The following RAB40B variants were observed in gnomAD, a reference collection of about 807,000 sequenced individuals.
RAB40B encodes ras-related protein Rab-40B.
A neutral mutation model predicts 24.0 loss-of-function variants in RAB40B; 21 were observed. The observed-to-expected ratio is 0.88, with a 90% CI of 0.62 to 1.26. The LOEUF (loss-of-function observed/expected upper bound fraction) is 1.26. RAB40B is among the 50% of genes most tolerant of loss of function. The probability of loss-of-function intolerance (pLI) is 0.00; values close to 1 mark genes in which losing one functional copy is unlikely to be tolerated. For synonymous variants in RAB40B, 167 were observed against 169.8 expected (o/e 0.98, Z 0.13); for missense variants, 348 against 390.5 (o/e 0.89, Z 0.92).
chr17:82,659,711 TG>T, intron 3 of RAB40B, 54 bp from the exon 4 acceptor site: 6 of 1,451,480 alleles, frequency 4.1e-6, no homozygotes, highest in Non-Finnish European at 3.9e-6. Flanking sequence ...GGCACAGCTG[TG>T]GCCATGCACG....
intron 1 of RAB40B, among the ~76,000 whole-genome samples, chr17:82,684,213 T>C (rs1398208452): frequency 1.8e-4 from 16 of 89,446 alleles, no homozygotes; most frequent in Admixed American, 6.6e-4. Flanking sequence ...AGAGTGAGAC[T>C]CTGTCTCAAA....
chr17:82,689,915 C>T (rs544189945), intron 1 of RAB40B, among the ~76,000 whole-genome samples: 3 of 147,902 alleles, frequency 2.0e-5, no homozygotes, highest in Non-Finnish European at 4.4e-5. Flanking sequence ...TGCAGTGAAC[C>T]GAGATCGTGC....
At chr17:82,695,452 A>G (rs1004654868) in intron 1 of RAB40B, among the ~76,000 whole-genome samples, 5 of 151,280 alleles carry the variant, frequency 3.3e-5, no homozygotes. Flanking sequence ...GGCCTCCCCA[A>G]GTGCTGGGAT....
chr17:82,685,028 C>T (rs542654551), intron 1 of RAB40B, among the ~76,000 whole-genome samples: 201 of 151,314 alleles, frequency 1.3e-3, no homozygotes, highest in African/African-American at 4.5e-3. Flanking sequence ...GCAGGAGAAT[C>T]GCTTGAATCC....
At chr17:82,677,172 C>T (rs1476327195) in intron 1 of RAB40B, among the ~76,000 whole-genome samples, 1 of 151,852 alleles carries the variant, frequency 6.6e-6, no homozygotes, top group Non-Finnish European at 1.5e-5. Context: ...TGGTCTCGAA[C>T]CCCTGACCTC....
intron 1 of RAB40B, chr17:82,696,739 C>T (rs2046613145): frequency 1.4e-5 from 2 of 141,296 alleles, no homozygotes; most frequent in African/African-American, 2.7e-5. Context: ...GTCCTCCAGG[C>T]GCTCAATCTC....
chr17:82,658,801 C>T, intron 4 of RAB40B, 88 bp from the exon 5 acceptor site: 1 of 1,218,852 alleles, frequency 8.2e-7, no homozygotes, highest in Non-Finnish European at 1.1e-6. Flanking sequence ...GTCGAGGAAC[C>T]CCCCACGAGT....
chr17:82,683,805 C>CAAAAAAAAAAAAAAA (rs35145848), intron 1 of RAB40B, among the ~76,000 whole-genome samples: 1 of 90,798 alleles, frequency 1.1e-5, no homozygotes, highest in Non-Finnish European at 2.2e-5. Context: ...ACCCTGTTTC[C>CAAAAAAAAAAAAAAA]AAAAAAAAAA....
In RAB40B at chr17:82,675,531, T is replaced by C. The variant is rs1360184171; in HGVS notation, c.143-10975A>G. Among the ~76,000 whole-genome samples the C allele has an allele frequency of 6.6e-6, 1 of 152,154 alleles. No homozygotes were observed. Among genetic ancestry groups the C allele is most frequent in the East Asian group, 1.9e-4 (1 of 5,198 alleles). The stretch of plus-strand genomic sequence containing the variant: ...GTAGTACCTTAGCCAGTGGGGTTGC[T>C]ATAATGAAAATACCATAAGCTAGGC... On this transcript the variant is annotated intron_variant, in intron 1 of 5. Coordinates refer to ENST00000571995, the MANE Select transcript of RAB40B (RefSeq NM_006822.3). This position sits in a 1 kb window ranked among gnomAD's most constrained non-coding sequence, Gnocchi z 4.5.
chr17:82,683,542 C>T (rs1341353332), intron 1 of RAB40B, among the ~76,000 whole-genome samples: 1 of 152,184 alleles, frequency 6.6e-6, no homozygotes, highest in Non-Finnish European at 1.5e-5. Context: ...AATCCCACCA[C>T]TTTGGGAGGC....
chr17:82,658,598 A>G lies in RAB40B; in HGVS notation c.458T>C (p.Phe153Ser). The change falls in exon 5 of 6, where the codon TTT becomes TCT. Residue 153 changes from phenylalanine to serine, a missense_variant. Around this residue, in one of 3 missense-constraint regions of RAB40B, gnomAD observed 126 missense variants for 181.0 expected, o/e 0.70. Coordinates refer to ENST00000571995, the MANE Select transcript of RAB40B (RefSeq NM_006822.3). ...AYAERLGVTF[F>S]EVSPLCNFNI... Reference sequence around the variant, plus strand: ...GAAATTGCACAGAGGGCTGACCTCAAAGAAGGTCACGCCCAGGCGCTCGGC... The same window carrying G: ...GAAATTGCACAGAGGGCTGACCTCAGAGAAGGTCACGCCCAGGCGCTCGGC... The G allele has an allele frequency of 2.5e-6, 4 of 1,613,422 alleles. No individual in the cohort carries two copies. Among genetic ancestry groups the G allele is most frequent in the Non-Finnish European group, 3.4e-6 (4 of 1,179,962 alleles).
intron 1 of RAB40B, among the ~76,000 whole-genome samples, chr17:82,666,203 A>G (rs2046255596): frequency 6.6e-6 from 1 of 151,852 alleles, no homozygotes; most frequent in South Asian, 2.1e-4. Context: ...CAGCCTCCCA[A>G]AGTGCTGGGA....
intron 1 of RAB40B, among the ~76,000 whole-genome samples, chr17:82,693,697 G>A (rs573846936): frequency 2.0e-5 from 3 of 152,240 alleles, no homozygotes; most frequent in African/African-American, 7.2e-5. Flanking sequence ...AGTCACAAAA[G>A]GGATGTCACC....
intron 1 of RAB40B, among the ~76,000 whole-genome samples, chr17:82,665,218 C>G (rs898003034): frequency 1.3e-5 from 2 of 149,920 alleles, no homozygotes; most frequent in Non-Finnish European, 3.0e-5. Flanking sequence ...AAGTTAAAAA[C>G]AAACAAACAA....
chr17:82,691,630 C>T (rs1002046343), intron 1 of RAB40B, among the ~76,000 whole-genome samples: 3 of 152,066 alleles, frequency 2.0e-5, no homozygotes, highest in African/African-American at 2.4e-5. Flanking sequence ...TGCAGTGAGC[C>T]GATGTGGCAC....
rs560210360 is a variant in RAB40B, at chr17:82,675,101, T to C, written c.143-10545A>G. Among the ~76,000 whole-genome samples the C allele has an allele frequency of 3.3e-4, 51 of 152,252 alleles. No homozygotes were observed. The highest frequency in any genetic ancestry group is 1.2e-3 in the African/African-American group (48 of 41,534). On this transcript the variant is annotated intron_variant, in intron 1 of 5. Transcript: ENST00000571995. This position sits in a 1 kb window ranked among gnomAD's most constrained non-coding sequence, Gnocchi z 4.5. ...GAGAGAGAAAACATCTGACACCCCC[T>C]AAACTGGGAAAAGCTACAAAGGATG...
rs376349673 is a variant in RAB40B, at chr17:82,692,782, G to A, written c.142+5673C>T. On this transcript the variant is annotated intron_variant, in intron 1 of 5. Transcript: ENST00000571995. This position sits in a 1 kb window ranked among gnomAD's most constrained non-coding sequence, Gnocchi z 4.0. Reference sequence around the variant, plus strand: ...CCTAACCACAAAACACTGATAATTTGGATTATGTTAAAATTAAGAGCTTCT... The same window carrying A: ...CCTAACCACAAAACACTGATAATTTAGATTATGTTAAAATTAAGAGCTTCT... 6.6e-6 allele frequency among the ~76,000 whole-genome samples: 1 copy of A among 152,184 alleles called. No homozygotes were observed. Among genetic ancestry groups the A allele is most frequent in the African/African-American group, 2.4e-5 (1 of 41,528 alleles).
chr17:82,674,326 GTGAA>G lies in RAB40B; in HGVS notation c.143-9774_143-9771del, dbSNP rs1211243658. Among the ~76,000 whole-genome samples the G allele has an allele frequency of 2.7e-4, 35 of 131,114 alleles. 1 individual carries two copies. Among genetic ancestry groups the G allele is most frequent in the South Asian group, 7.7e-4 (3 of 3,910 alleles). The allele number at this position is 131,114 out of a possible 152,430, so 86.0% of individuals were successfully genotyped here. A position where few individuals can be genotyped will look rare whatever the true frequency, so the allele number is the denominator to read the frequency against. On this transcript the variant is annotated intron_variant, in intron 1 of 5. Coordinates refer to ENST00000571995, the MANE Select transcript of RAB40B (RefSeq NM_006822.3). ...TGCACTCCAGCCTGGGCAAAAAAGA[GTGAA>G]ACTCCGTCTCAAAAGAAAAGACCAG...
intron 1 of RAB40B, among the ~76,000 whole-genome samples, chr17:82,694,555 A>G (rs1156443326): frequency 7.0e-6 from 1 of 143,608 alleles, no homozygotes; most frequent in Non-Finnish European, 1.5e-5. Flanking sequence ...ACATACACAC[A>G]CACATACACA....
Sources: allele counts gnomAD v4.1 joint callset (sites outside exome capture counted in the v4.1 genomes callset), GRCh38; gene constraint gnomAD v4.1.1; regional missense constraint gnomAD v4.1.1; non-coding constraint Gnocchi (gnomAD v3.1); transcripts MANE v1.5; gene names NCBI Gene and HGNC (gene_info 2026-07-23, HGNC 2026-07-21).